The following SIPA1L3 variants were observed in gnomAD, a reference collection of about 807,000 sequenced individuals.
The protein encoded by SIPA1L3 is signal-induced proliferation-associated 1-like protein 3.
In SIPA1L3, 59 loss-of-function variants were observed where a neutral mutation model predicts 150.1. That is an observed-to-expected ratio of 0.39 (90% CI 0.32 to 0.49). SIPA1L3 has a LOEUF of 0.49. Among genes scored for constraint, SIPA1L3 ranks in the 20% least tolerant of loss-of-function variants. SIPA1L3 has a pLI of 0.86. For synonymous variants in SIPA1L3, 1,070 were observed against 1,077.6 expected, an observed-to-expected ratio of 0.99 and a Z score of 0.14; for missense variants, 2,211 against 2,489.5, an observed-to-expected ratio of 0.89 and a Z score of 2.38.
At chr19:38,115,180 A>G (rs1600091117) in intron 8 of SIPA1L3, among the ~76,000 whole-genome samples, 2 of 152,310 alleles carry the variant, frequency 1.3e-5, no homozygotes, top group Admixed American at 6.5e-5. Flanking sequence ...AAAGCTGATG[A>G]GAGCTGTGGC....
intron 15 of SIPA1L3, among the ~76,000 whole-genome samples, chr19:38,175,562 G>C (rs1266494362): frequency 6.6e-6 from 1 of 152,138 alleles, no homozygotes; most frequent in African/African-American, 2.4e-5. Context: ...TGGAAGCACA[G>C]AGCACGTTGC....
Position 38,081,650 on chromosome 19 carries a change from C to A in SIPA1L3, c.85C>A (p.Pro29Thr), listed in dbSNP as rs1969983383. Residue 29 changes from proline (P) to threonine (T), a missense_variant, in exon 3 of 22, where the codon CCA (proline) becomes ACA (threonine). Physicochemically the swap from Pro to Thr is conservative, Grantham distance 38. Transcript: ENST00000222345. ...GARVGDVLPG[P>T]HTGDYAPLGF... The stretch of plus-strand genomic sequence containing the variant: ...CAGGGTGGGCGATGTCCTCCCTGGG[C>A]CACACACAGGGGACTACGCTCCCTT... The A allele has an allele frequency of 4.3e-6, 7 of 1,610,908 alleles. No homozygotes were observed. Among genetic ancestry groups the A allele is most frequent in the Non-Finnish European group, 5.1e-6 (6 of 1,178,660 alleles).
intron 19 of SIPA1L3, among the ~76,000 whole-genome samples, chr19:38,201,370 T>C (rs1973083577): frequency 6.6e-6 from 1 of 152,238 alleles, no homozygotes; most frequent in Non-Finnish European, 1.5e-5. Context: ...CTGTCTTCAA[T>C]ATGCATGATG....
intron 4 of SIPA1L3, among the ~76,000 whole-genome samples, chr19:38,097,185 C>CA (rs1970398336): frequency 2.0e-5 from 3 of 152,032 alleles, no homozygotes; most frequent in Middle Eastern, 3.4e-3. Flanking sequence ...TCTGTCTCTA[C>CA]AAAAAATATA....
chr19:38,059,311 A>ATTTTTTTTTTTTTTT (rs35717284), intron 2 of SIPA1L3, among the ~76,000 whole-genome samples: 1 of 113,930 alleles, frequency 8.8e-6, no homozygotes, highest in African/African-American at 3.4e-5. Context: ...AACAGCTGAG[A>ATTTTTTTTTTTTTTT]TTTTTTTTTT....
chr19:38,174,465 A>T (rs1043299793), intron 15 of SIPA1L3, among the ~76,000 whole-genome samples: 2 of 152,126 alleles, frequency 1.3e-5, no homozygotes, highest in Admixed American at 6.5e-5. Flanking sequence ...CTATGTCTAC[A>T]TCACAGCTCC....
At chr19:38,077,931 A>G (rs1422585032) in intron 2 of SIPA1L3, among the ~76,000 whole-genome samples, 1 of 151,984 alleles carries the variant, frequency 6.6e-6, no homozygotes, top group African/African-American at 2.4e-5. Flanking sequence ...TCGGCCTCCC[A>G]AAGTGCTGGG....
intron 2 of SIPA1L3, among the ~76,000 whole-genome samples, chr19:38,030,960 C>T (rs1046229938): frequency 6.6e-5 from 10 of 152,028 alleles, no homozygotes; most frequent in African/African-American, 1.2e-4. Flanking sequence ...GGCCAAGCTG[C>T]GGGAACTGAG....
intron 1 of SIPA1L3, among the ~76,000 whole-genome samples, chr19:37,969,242 G>A (rs2046931944): frequency 6.7e-6 from 1 of 148,946 alleles, no homozygotes; most frequent in African/African-American, 2.5e-5. Context: ...CTGTTAAAAA[G>A]AAAAAAAGAA....
chr19:38,029,427 T>C (rs1467224006), intron 2 of SIPA1L3, among the ~76,000 whole-genome samples: 1 of 152,210 alleles, frequency 6.6e-6, no homozygotes, highest in Non-Finnish European at 1.5e-5. Flanking sequence ...GGAACCAGGC[T>C]ATGCAGTGCT....
intron 3 of SIPA1L3, among the ~76,000 whole-genome samples, chr19:38,083,852 G>A (rs1018981502): frequency 2.6e-5 from 4 of 152,048 alleles, no homozygotes; most frequent in Non-Finnish European, 5.9e-5. Context: ...AATTAGCCAG[G>A]CATGGTGACA....
intron 2 of SIPA1L3, among the ~76,000 whole-genome samples, chr19:38,075,789 A>G (rs1371077150): frequency 2.6e-5 from 4 of 151,336 alleles, no homozygotes; most frequent in Admixed American, 2.0e-4. Flanking sequence ...CAAAGAAAAA[A>G]AAAACAGAAA....
chr19:38,128,457 T>C (rs961910027), intron 9 of SIPA1L3, among the ~76,000 whole-genome samples: 1 of 152,232 alleles, frequency 6.6e-6, no homozygotes, highest in Non-Finnish European at 1.5e-5. Context: ...CTTCTTGCTA[T>C]CCACACTCAA....
At chr19:37,977,924 AAC>A (rs1967112252) in intron 1 of SIPA1L3, among the ~76,000 whole-genome samples, 1 of 152,208 alleles carries the variant, frequency 6.6e-6, no homozygotes. Context: ...TCAATGAATA[AAC>A]ACACAGGGAA....
intron 2 of SIPA1L3, among the ~76,000 whole-genome samples, chr19:38,035,244 A>G (rs992662248): frequency 1.4e-4 from 21 of 152,190 alleles, no homozygotes; most frequent in Non-Finnish European, 2.9e-4. Flanking sequence ...TTCCCTCCTC[A>G]GTAAAATGAA....
intron 1 of SIPA1L3, among the ~76,000 whole-genome samples, chr19:37,957,793 G>T (rs1234327929): frequency 6.6e-6 from 1 of 151,956 alleles, no homozygotes; most frequent in Non-Finnish European, 1.5e-5. Flanking sequence ...GCTCACTGCA[G>T]CCTCGACTTC....
In SIPA1L3 at chr19:38,100,028, C is replaced by T. The variant is rs780931309; in HGVS notation, c.1732C>T (p.Arg578Trp). The change falls in exon 5 of 22, where the codon CGG becomes TGG. Residue 578 changes from arginine (R) to tryptophan (W), a missense_variant. By Grantham distance (101) the Arg-to-Trp change is moderately radical. Coordinates refer to ENST00000222345, the MANE Select transcript of SIPA1L3 (RefSeq NM_015073.3). ...TPTATKHGTG[R>W]GLPLKDALEY... is the part of the protein sequence containing the mutation. Reference sequence around the variant, plus strand: ...CACAGCCACCAAGCATGGGACCGGGCGGGGCCTGCCCTTGAAGGATGCCCT... The same window carrying T: ...CACAGCCACCAAGCATGGGACCGGGTGGGGCCTGCCCTTGAAGGATGCCCT... 6 of 1,611,796 alleles carry T rather than the reference C, an allele frequency of 3.7e-6. No homozygotes were observed. The highest frequency in any genetic ancestry group is 1.1e-5 in the South Asian group (1 of 90,754).
At chr19:38,088,924 A>C (rs1970201527) in intron 4 of SIPA1L3, 73 bp downstream of exon 4, 1 of 1,539,334 alleles carries the variant, frequency 6.5e-7, no homozygotes, top group Non-Finnish European at 8.9e-7. Context: ...TCTGGGGGCA[A>C]ACGCTTCCCC....
Position 38,187,277 on chromosome 19 carries a change from C to T in SIPA1L3, c.4430+4537C>T, listed in dbSNP as rs969570867. ...GACCAGCCTGGCCAACATGGTGAAA[C>T]CCCATCTCTACTAAAAATACAAAAA... On this transcript the variant is annotated intron_variant, in intron 16 of 21. Transcript: ENST00000222345. 1.4e-4 allele frequency among the ~76,000 whole-genome samples: 21 copies of T among 151,838 alleles called. 1 individual carries two copies. Among genetic ancestry groups the T allele is most frequent in the African/African-American group, 5.1e-4 (21 of 41,288 alleles).
Sources: allele counts gnomAD v4.1 joint callset (sites outside exome capture counted in the v4.1 genomes callset), GRCh38; gene constraint gnomAD v4.1.1; transcripts MANE v1.5; gene names NCBI Gene and HGNC (gene_info 2026-07-23, HGNC 2026-07-21).